DENND1B: variants seen among roughly 807,000 people sequenced by gnomAD.
DENND1B encodes DENN domain containing 1B, also known as DENN domain-containing protein 1B.
Under a neutral mutation model 90.1 loss-of-function variants are expected in DENND1B, and 59 were observed. That is an observed-to-expected ratio of 0.65 (90% confidence interval 0.53 to 0.81). DENND1B has a LOEUF of 0.81. Ranked by LOEUF, DENND1B falls within the 40% of genes least tolerant of loss-of-function variation. DENND1B has a pLI of 0.00. For synonymous variants in DENND1B, 337 were observed against 324.6 expected (o/e 1.04, Z -0.41); for missense variants, 862 against 912.6 (o/e 0.94, Z 0.71).
chr1:197,616,270 A>G (rs949293853), intron 11 of DENND1B, among the ~76,000 whole-genome samples: 2 of 151,062 alleles, frequency 1.3e-5, no homozygotes, highest in African/African-American at 4.8e-5. Flanking sequence ...ATATACAAAG[A>G]TCTACTGCAT....
At chr1:197,541,769 T>C (rs554143041) in intron 18 of DENND1B, among the ~76,000 whole-genome samples, 8 of 152,324 alleles carry the variant, frequency 5.3e-5, no homozygotes, top group South Asian at 4.1e-4. Context: ...GTGCTTAGCA[T>C]GCATTATCTT....
intron 18 of DENND1B, among the ~76,000 whole-genome samples, chr1:197,545,011 GACGACGACGA>G (rs1244308302): frequency 2.2e-4 from 8 of 35,632 alleles, no homozygotes; most frequent in South Asian, 1.3e-3. Flanking sequence ...AGACGACGAC[GACGACGACGA>G]AAGAAGGAGG....
chr1:197,714,604 A>C (rs61829344), intron 3 of DENND1B, among the ~76,000 whole-genome samples: 8,650 of 152,232 alleles, frequency 0.057, 333 homozygotes, highest in Non-Finnish European at 0.089. Flanking sequence ...TAAATGACTC[A>C]GATACTACTG....
chr1:197,541,751 T>C (rs1670353019), intron 18 of DENND1B, among the ~76,000 whole-genome samples: 1 of 152,218 alleles, frequency 6.6e-6, no homozygotes, highest in Non-Finnish European at 1.5e-5. Context: ...TATATGACTG[T>C]GTGCTGGGTG....
intron 15 of DENND1B, among the ~76,000 whole-genome samples, chr1:197,554,100 TACACAC>T (rs4026509): frequency 0.091 from 12,720 of 139,926 alleles, 868 homozygotes; most frequent in African/African-American, 0.19. Context: ...TCAATGATTA[TACACAC>T]ACACACACAC....
chr1:197,674,178 G>A lies in DENND1B; in HGVS notation c.127-9C>T. 2 of 1,577,306 alleles carry A rather than the reference G, an allele frequency of 1.3e-6. No homozygotes were observed. The highest frequency in any genetic ancestry group is 4.5e-5 in the East Asian group (2 of 44,374). ...ACACTCTGTAGTATTTCCTACAAAT[G>A]GAAATTTCAAAAAAAAGAAATAAGT... is the stretch of plus-strand genomic sequence containing the variant. On this transcript the variant is annotated splice_polypyrimidine_tract_variant and intron_variant, in intron 3 of 22. Transcript: ENST00000620048.
At chr1:197,773,718 A>T (rs1043499283) in intron 1 of DENND1B, among the ~76,000 whole-genome samples, 6 of 152,244 alleles carry the variant, frequency 3.9e-5, no homozygotes, top group African/African-American at 1.4e-4. Context: ...ATTTCAAAGC[A>T]ACATTGGTTA....
rs190410342 is a variant in DENND1B at position 197,705,850 on chromosome 1, T to A, written c.126+9181A>T. Among the ~76,000 whole-genome samples the A allele has an allele frequency of 1.1e-4, 16 of 152,158 alleles. No individual in the cohort carries two copies. The East Asian group carries it at 3.1e-3, about 29-fold the overall frequency. On this transcript the variant is annotated intron_variant, in intron 3 of 22. Transcript: ENST00000620048. ...AAGTCATGTCTTCACTGTAGGGAGTTCTTTTACATACTTAAGATATTTATA... is the reference window on the plus strand; with the variant it reads ...AAGTCATGTCTTCACTGTAGGGAGTACTTTTACATACTTAAGATATTTATA...
intron 2 of DENND1B, among the ~76,000 whole-genome samples, chr1:197,750,109 A>G (rs1357292404): frequency 6.6e-6 from 1 of 152,150 alleles, no homozygotes; most frequent in East Asian, 1.9e-4. Context: ...AGCTTCCCAA[A>G]CTGCTGAGAC....
Position 197,690,955 on chromosome 1 carries a change from G to A in DENND1B, c.127-16786C>T, listed in dbSNP as rs182762279. ...AAAAAAATAGACTTAAACATAAGAC[G>A]TGAAAAGTGTAAAGCTCTTAGAAGA... On this transcript the variant is annotated intron_variant, in intron 3 of 22. Coordinates refer to ENST00000620048, the MANE Select transcript of DENND1B (RefSeq NM_001195215.2). Among the ~76,000 whole-genome samples the A allele has an allele frequency of 6.6e-5, 10 of 151,898 alleles. No individual in the cohort carries two copies. In the East Asian group the frequency reaches 9.7e-4, roughly 15 times the overall value.
chr1:197,655,759 C>G (rs1041170698), intron 6 of DENND1B, among the ~76,000 whole-genome samples: 2 of 152,054 alleles, frequency 1.3e-5, no homozygotes, highest in African/African-American at 4.8e-5. Flanking sequence ...GTCTCGATCT[C>G]CTGACCTCGT....
chr1:197,718,643 A>G (rs949270090), intron 2 of DENND1B, among the ~76,000 whole-genome samples: 23 of 152,136 alleles, frequency 1.5e-4, no homozygotes, highest in African/African-American at 5.1e-4. Flanking sequence ...AATATAATTT[A>G]GAGAGTCACT....
At chr1:197,530,852 G>A (rs1247531298) in intron 20 of DENND1B, among the ~76,000 whole-genome samples, 1 of 152,106 alleles carries the variant, frequency 6.6e-6, no homozygotes, top group African/African-American at 2.4e-5. Context: ...AAGGCTTAGG[G>A]ATATTTTGTT....
chr1:197,526,835 T>C (rs557925520), intron 20 of DENND1B, among the ~76,000 whole-genome samples: 7 of 152,294 alleles, frequency 4.6e-5, no homozygotes, highest in African/African-American at 1.4e-4. Flanking sequence ...TCTTGAATAA[T>C]CTTATGACAA....
At chr1:197,714,137 C>T (rs994249065) in intron 3 of DENND1B, among the ~76,000 whole-genome samples, 1 of 150,694 alleles carries the variant, frequency 6.6e-6, no homozygotes, top group South Asian at 2.1e-4. Context: ...CCACCACACA[C>T]GGCTGTTTTG....
chr1:197,691,010 C>T (rs894037959), intron 3 of DENND1B, among the ~76,000 whole-genome samples: 13 of 151,872 alleles, frequency 8.6e-5, no homozygotes, highest in Admixed American at 6.6e-5. Flanking sequence ...TGACATTGGT[C>T]TTCGCAATAA....
At chr1:197,771,434 T>C (rs1311850804) in intron 2 of DENND1B, among the ~76,000 whole-genome samples, 1 of 152,128 alleles carries the variant, frequency 6.6e-6, no homozygotes, top group Non-Finnish European at 1.5e-5. Context: ...CTTTACTACA[T>C]ACAGGACAAT....
At chr1:197,536,777 C>T (rs1035888085) in intron 20 of DENND1B, among the ~76,000 whole-genome samples, 7 of 152,152 alleles carry the variant, frequency 4.6e-5, no homozygotes, top group African/African-American at 1.7e-4. Flanking sequence ...CTCGGTGGCT[C>T]ATGCCTGTAA....
At chr1:197,746,841 T>G in intron 2 of DENND1B, 3 of 1,611,816 alleles carry the variant, frequency 1.9e-6, no homozygotes, top group Non-Finnish European at 2.5e-6. Context: ...GCCTGTGAAT[T>G]TTCAACCTCC....
Sources: allele counts gnomAD v4.1 joint callset (sites outside exome capture counted in the v4.1 genomes callset), GRCh38; gene constraint gnomAD v4.1.1; transcripts MANE v1.5; gene names NCBI Gene and HGNC (gene_info 2026-07-23, HGNC 2026-07-21).